The following CCDC6 variants were observed in gnomAD, a reference collection of about 807,000 sequenced individuals.
The protein encoded by CCDC6 is coiled-coil domain containing 6.
In CCDC6, 20 loss-of-function variants were observed where a neutral mutation model predicts 56.6. The ratio of observed to expected loss-of-function variants is 0.35; its 90% CI spans 0.25 to 0.51. The LOEUF is 0.51. CCDC6 is among the 20% of genes least tolerant of loss of function. The pLI, the probability that CCDC6 is intolerant of heterozygous loss-of-function variation, is 0.95. For missense variants in CCDC6, 367 were observed against 601.1 expected (o/e 0.61, Z 4.07); for synonymous variants, 241 against 234.4 (o/e 1.03, Z -0.26).
chr10:59,807,239 C>G (rs2070633077), intron 5 of CCDC6, among the ~76,000 whole-genome samples, 161 bp from the exon 6 acceptor site: 1 of 152,154 alleles, frequency 6.6e-6, no homozygotes, highest in African/African-American at 2.4e-5. Flanking sequence ...AATCCTGGCA[C>G]TTGGGGAGGC....
At chr10:59,839,972 T>G (rs1362802070) in intron 2 of CCDC6, among the ~76,000 whole-genome samples, 1 of 152,150 alleles carries the variant, frequency 6.6e-6, no homozygotes, top group Non-Finnish European at 1.5e-5. Flanking sequence ...ATTACAGGCA[T>G]GTGCCACCAC....
At chr10:59,867,793 C>T (rs2071189854) in intron 1 of CCDC6, among the ~76,000 whole-genome samples, 1 of 152,094 alleles carries the variant, frequency 6.6e-6, no homozygotes, top group Admixed American at 6.5e-5. Flanking sequence ...GTCTCGAACT[C>T]CCGGGCTCAA....
At chr10:59,893,017 A>G (rs2071434095) in intron 1 of CCDC6, among the ~76,000 whole-genome samples, 1 of 152,260 alleles carries the variant, frequency 6.6e-6, no homozygotes, top group African/African-American at 2.4e-5. Context: ...CACAGCAATA[A>G]AAAATAACTC....
intron 1 of CCDC6, among the ~76,000 whole-genome samples, chr10:59,853,285 C>T (rs1327823395): frequency 6.6e-6 from 1 of 152,210 alleles, no homozygotes; most frequent in African/African-American, 2.4e-5. Flanking sequence ...GTAATCCTAG[C>T]ACTCTGGGAG....
chr10:59,828,514 G>A (rs934810431), intron 3 of CCDC6, among the ~76,000 whole-genome samples: 3 of 152,188 alleles, frequency 2.0e-5, no homozygotes, highest in Admixed American at 6.5e-5. Flanking sequence ...GTTCTTTGAA[G>A]TATAAAAGAA....
rs374602904 is a variant in CCDC6, at chr10:59,794,517, G to A, written c.1186C>T (p.Pro396Ser). 17 of 1,613,980 alleles carry A rather than the reference G, an allele frequency of 1.1e-5. No homozygotes were observed. The highest frequency in any genetic ancestry group is 8.5e-7 in the Non-Finnish European group (1 of 1,179,962). Reference sequence around the variant, plus strand: ...CCCATGTGCTGCACGTGAAGACCCGGGGAATTGTAATAAGACATTCCAGCT... The same window carrying A: ...CCCATGTGCTGCACGTGAAGACCCGAGGAATTGTAATAAGACATTCCAGCT... ...TRAGMSYYNS[P>S]GLHVQHMGTS... is the part of the protein sequence containing the mutation. The change falls in exon 8 of 9, where the codon CCG becomes TCG. Residue 396 changes from proline (P) to serine (S), a missense_variant. Physicochemically the swap from Pro to Ser is moderately conservative, Grantham distance 74. Around this residue, in one of 7 missense-constraint regions of CCDC6, gnomAD observed 79 missense variants for 83.9 expected, o/e 0.94. Coordinates refer to ENST00000263102, the MANE Select transcript of CCDC6 (RefSeq NM_005436.5).
At chr10:59,852,017 G>A (rs192739730) in intron 2 of CCDC6, among the ~76,000 whole-genome samples, 27 of 152,162 alleles carry the variant, frequency 1.8e-4, no homozygotes, top group African/African-American at 5.1e-4. Context: ...TATATTACTC[G>A]TGATCAACGT....
In CCDC6 at chr10:59,906,128, C is replaced by A. The variant is rs1171830; in HGVS notation, c.297G>T (p.Val99=). 731,814 of 1,590,892 alleles carry A rather than the reference C, an allele frequency of 0.46. 174,924 individuals carry two copies. The highest frequency in any genetic ancestry group is 0.63 in the East Asian group (27,517 of 43,410). The part of the protein sequence containing the change: ...EENRDLRKAS[V]TIQARAEQEE... ...GTCCCCGGGGGGCACTCACGATGGT[C>A]ACGCTGGCTTTGCGCAGGTCGCGGT... Residue 99 remains valine (V), a synonymous_variant, in exon 1 of 9, where the codon GTG becomes GTT. Coordinates refer to ENST00000263102, the MANE Select transcript of CCDC6 (RefSeq NM_005436.5).
At position 59,804,480 on chromosome 10, in the gene CCDC6, T is replaced by C; in HGVS notation, c.1045A>G (p.Thr349Ala). The C allele has an allele frequency of 1.2e-6, 2 of 1,613,184 alleles. No individual in the cohort carries two copies. Among genetic ancestry groups the C allele is most frequent in the East Asian group, 2.2e-5 (1 of 44,866 alleles). ...GTGTAAGGGATCGGGCTGGACACAG[T>C]GCGAGGTCTTAATCCTTGTGCAGAC... ...EMSAQGLRPR[T>A]VSSPIPYTPS... Residue 349 changes from threonine to alanine, a missense_variant, in exon 7 of 9, where the codon ACT (threonine) becomes GCT (alanine). Physicochemically the swap from Thr to Ala is moderately conservative, Grantham distance 58. Coordinates refer to ENST00000263102, the MANE Select transcript of CCDC6 (RefSeq NM_005436.5).
At chr10:59,799,900 G>A (rs1306608252) in intron 7 of CCDC6, among the ~76,000 whole-genome samples, 2 of 152,148 alleles carry the variant, frequency 1.3e-5, no homozygotes, top group African/African-American at 4.8e-5. Context: ...GAGGATGAAA[G>A]GAGATAATAT....
chr10:59,860,514 C>T (rs1234309218), intron 1 of CCDC6, among the ~76,000 whole-genome samples: 1 of 152,120 alleles, frequency 6.6e-6, no homozygotes. Context: ...TATACTACAG[C>T]TCAGGCATTT....
chr10:59,895,793 C>T lies in CCDC6; in HGVS notation c.303+10329G>A, dbSNP rs763589961. ...TGCCTGATAAGAGTGTCTTTGTTTA[C>T]CTGAGGGCGTTGGATCACACTGGAA... On this transcript the variant is annotated intron_variant, in intron 1 of 8. Coordinates refer to ENST00000263102, the MANE Select transcript of CCDC6 (RefSeq NM_005436.5). Among the ~76,000 whole-genome samples the T allele has an allele frequency of 6.6e-5, 10 of 152,122 alleles. No homozygotes were observed. In the East Asian group the frequency reaches 1.9e-3, roughly 29 times the overall value.
Position 59,812,736 on chromosome 10 carries a change from G to A in CCDC6, c.746C>T (p.Ser249Phe). The A allele has an allele frequency of 1.2e-6, 2 of 1,609,482 alleles. No homozygotes were observed. Among genetic ancestry groups the A allele is most frequent in the Non-Finnish European group, 1.7e-6 (2 of 1,175,996 alleles). ...VSAPPSPRDISMEIDSPENMM... is the reference protein window; with the variant it reads ...VSAPPSPRDIFMEIDSPENMM... ...ATTTTCTGGAGAATCAATCTCCATGGAGATATCTCTAGGCGATGGTGGAGC... is the reference window on the plus strand; with the variant it reads ...ATTTTCTGGAGAATCAATCTCCATGAAGATATCTCTAGGCGATGGTGGAGC... Residue 249 changes from serine to phenylalanine, a missense_variant, in exon 5 of 9, where the codon TCC becomes TTC. Coordinates refer to ENST00000263102, the MANE Select transcript of CCDC6 (RefSeq NM_005436.5).
intron 1 of CCDC6, among the ~76,000 whole-genome samples, chr10:59,879,130 C>A (rs1589059174): frequency 6.6e-6 from 1 of 152,170 alleles, no homozygotes; most frequent in South Asian, 2.1e-4. Context: ...TACGCAATTG[C>A]CAAAGGTCCA....
At chr10:59,904,233 C>T (rs1466495143) in intron 1 of CCDC6, among the ~76,000 whole-genome samples, 1 of 152,192 alleles carries the variant, frequency 6.6e-6, no homozygotes, top group East Asian at 1.9e-4. Flanking sequence ...CCACCTTATA[C>T]GCTCTTCTAG....
chr10:59,855,394 C>T (rs1043154075), intron 1 of CCDC6, among the ~76,000 whole-genome samples: 1 of 152,108 alleles, frequency 6.6e-6, no homozygotes, highest in Non-Finnish European at 1.5e-5. Context: ...GGTGAAACTC[C>T]ATTTCTACTT....
At chr10:59,798,087 CT>C (rs1022149429) in intron 7 of CCDC6, among the ~76,000 whole-genome samples, 4 of 152,328 alleles carry the variant, frequency 2.6e-5, no homozygotes, top group African/African-American at 9.6e-5. Flanking sequence ...GGCTAGCTTT[CT>C]TTACACCTTT....
intron 1 of CCDC6, among the ~76,000 whole-genome samples, chr10:59,889,332 AC>A (rs2071405237): frequency 6.6e-6 from 1 of 152,156 alleles, no homozygotes; most frequent in South Asian, 2.1e-4. Flanking sequence ...AAGACCTCAA[AC>A]ATCAATCCAG....
chr10:59,906,396 G>C lies in CCDC6; in HGVS notation c.29C>G (p.Thr10Arg), dbSNP rs1167743654. 2 of 1,581,148 alleles carry C rather than the reference G, an allele frequency of 1.3e-6. No homozygotes were observed. Among genetic ancestry groups the C allele is most frequent in the Non-Finnish European group, 1.7e-6 (2 of 1,172,734 alleles). Residue 10 changes from threonine (T) to arginine (R), a missense_variant, in exon 1 of 9, where the codon ACG becomes AGG. Thr to Arg is a moderately conservative substitution (Grantham distance 71). Coordinates refer to ENST00000263102, the MANE Select transcript of CCDC6 (RefSeq NM_005436.5). MADSASESD[T>R]DGAGGNSSSS... ...GCTGCTGTTGCCCCCCGCCCCGTCCGTGTCGCTCTCGCTGGCGCTGTCCGC... is the reference window on the plus strand; with the variant it reads ...GCTGCTGTTGCCCCCCGCCCCGTCCCTGTCGCTCTCGCTGGCGCTGTCCGC...
Sources: allele counts gnomAD v4.1 joint callset (sites outside exome capture counted in the v4.1 genomes callset), GRCh38; gene constraint gnomAD v4.1.1; regional missense constraint gnomAD v4.1.1; transcripts MANE v1.5; gene names NCBI Gene and HGNC (gene_info 2026-07-23, HGNC 2026-07-21).